The following SDK1 variants were observed in gnomAD, a reference collection of about 807,000 sequenced individuals.
The protein encoded by SDK1 is protein sidekick-1.
Under a neutral mutation model 245.5 loss-of-function variants are expected in SDK1, and 157 were observed. The ratio of observed to expected loss-of-function variants is 0.64; its 90% CI spans 0.56 to 0.73. SDK1 has a LOEUF of 0.73. Among genes scored for constraint, SDK1 ranks in the 30% least tolerant of loss-of-function variants. SDK1 has a pLI of 0.00. For synonymous variants in SDK1, 1,647 were observed against 1,278.5 expected, an observed-to-expected ratio of 1.29 and a Z score of -6.15; for missense variants, 3,583 against 3,002.3, an observed-to-expected ratio of 1.19 and a Z score of -4.52.
At chr7:3,536,061 AT>A (rs5881991) in intron 1 of SDK1, among the ~76,000 whole-genome samples, 9 of 148,478 alleles carry the variant, frequency 6.1e-5, no homozygotes, top group South Asian at 2.1e-4. Context: ...TGGCAGAATA[AT>A]TTTTTTTTTT....
intron 1 of SDK1, among the ~76,000 whole-genome samples, chr7:3,404,320 A>T (rs1454269689): frequency 6.6e-6 from 1 of 152,194 alleles, no homozygotes; most frequent in Non-Finnish European, 1.5e-5. Flanking sequence ...TTATATTAAT[A>T]GCTGCAAACA....
intron 2 of SDK1, among the ~76,000 whole-genome samples, chr7:3,621,267 G>A (rs1212094249): frequency 1.3e-5 from 2 of 152,156 alleles, no homozygotes; most frequent in African/African-American, 4.8e-5. Flanking sequence ...ACTGATAACA[G>A]AAGACTGGAG....
intron 1 of SDK1, among the ~76,000 whole-genome samples, chr7:3,494,458 A>T (rs947401809): frequency 1.3e-5 from 2 of 152,192 alleles, no homozygotes; most frequent in African/African-American, 4.8e-5. Flanking sequence ...ATGGGAAGAC[A>T]GTGTTAGAAA....
chr7:4,262,131 C>T (rs1038436031), intron 44 of SDK1, among the ~76,000 whole-genome samples: 14 of 144,542 alleles, frequency 9.7e-5, no homozygotes, highest in East Asian at 4.1e-4. Context: ...CCCTTGAACC[C>T]GGGTTCAAGG....
intron 1 of SDK1, among the ~76,000 whole-genome samples, chr7:3,428,315 G>A (rs1779733530): frequency 6.6e-6 from 1 of 152,082 alleles, no homozygotes. Context: ...CTTATTATTG[G>A]CAGAATGATG....
At chr7:3,956,088 TC>T (rs1010173044) in intron 7 of SDK1, among the ~76,000 whole-genome samples, 2 of 152,160 alleles carry the variant, frequency 1.3e-5, no homozygotes, top group Non-Finnish European at 1.5e-5. Flanking sequence ...TTTGTTTCCA[TC>T]CCCTGTTTTG....
chr7:3,809,431 C>T (rs1430730733), intron 4 of SDK1, among the ~76,000 whole-genome samples: 1 of 152,182 alleles, frequency 6.6e-6, no homozygotes, highest in African/African-American at 2.4e-5. Context: ...CTGAGATCAG[C>T]TGTGCTCGAG....
chr7:3,384,499 T>C (rs1464653559), intron 1 of SDK1, among the ~76,000 whole-genome samples: 2 of 152,208 alleles, frequency 1.3e-5, no homozygotes, highest in Non-Finnish European at 2.9e-5. Context: ...ATTTGAGAAA[T>C]GCTAGAGCAA....
chr7:3,619,006 G>T, intron 1 of SDK1, 74 bp from the exon 2 acceptor site: 2 of 1,179,770 alleles, frequency 1.7e-6, no homozygotes, highest in Non-Finnish European at 2.4e-6. Context: ...TTAAATAATA[G>T]ATTTATTAAA....
intron 1 of SDK1, among the ~76,000 whole-genome samples, chr7:3,559,339 G>C (rs1446923575): frequency 6.6e-6 from 1 of 152,070 alleles, no homozygotes; most frequent in Non-Finnish European, 1.5e-5. Flanking sequence ...TGGAAGTATT[G>C]TCCGCGGTTA....
intron 4 of SDK1, among the ~76,000 whole-genome samples, chr7:3,675,944 A>G (rs1385667082): frequency 1.3e-5 from 2 of 152,148 alleles, no homozygotes; most frequent in African/African-American, 2.4e-5. Flanking sequence ...AATATTAGAC[A>G]TTTGTTGAAT....
At chr7:3,613,268 T>G (rs1010293897) in intron 1 of SDK1, among the ~76,000 whole-genome samples, 5 of 152,152 alleles carry the variant, frequency 3.3e-5, no homozygotes, top group Non-Finnish European at 7.3e-5. Context: ...ATGTGAATGA[T>G]TTTTCCTCTG....
chr7:4,072,508 TC>T (rs1562766317), intron 20 of SDK1, among the ~76,000 whole-genome samples: 1 of 151,922 alleles, frequency 6.6e-6, no homozygotes, highest in African/African-American at 2.4e-5. Flanking sequence ...TCAGGGGAGC[TC>T]CCCCCAGCAC....
At chr7:4,063,803 C>G (rs1779700913) in intron 19 of SDK1, among the ~76,000 whole-genome samples, 1 of 151,898 alleles carries the variant, frequency 6.6e-6, no homozygotes, top group African/African-American at 2.4e-5. Flanking sequence ...GAATAGAGCA[C>G]CCAGAAACAT....
At chr7:3,666,192 T>C (rs4723001) in intron 4 of SDK1, among the ~76,000 whole-genome samples, 31,909 of 152,126 alleles carry the variant, frequency 0.21, 4,187 homozygotes, top group Non-Finnish European at 0.29. Context: ...TTTAGTAGTT[T>C]CCGGGCCTCA....
At chr7:3,351,519 A>T (rs1780659827) in intron 1 of SDK1, among the ~76,000 whole-genome samples, 1 of 152,218 alleles carries the variant, frequency 6.6e-6, no homozygotes, top group African/African-American at 2.4e-5. Context: ...AGATTGGATT[A>T]AAAACATCTG....
chr7:3,954,399 C>A (rs113583112), intron 7 of SDK1, among the ~76,000 whole-genome samples: 4 of 8,098 alleles, frequency 4.9e-4, no homozygotes, highest in African/African-American at 1.1e-3. Flanking sequence ...CCCCTCCTGC[C>A]TCCCCTCTAC....
At chr7:3,542,124 A>G (rs1464879157) in intron 1 of SDK1, among the ~76,000 whole-genome samples, 1 of 152,256 alleles carries the variant, frequency 6.6e-6, no homozygotes, top group Non-Finnish European at 1.5e-5. Flanking sequence ...TCGATAAGTC[A>G]TCAGCGGCAA....
At chr7:3,453,822 A>C (rs949754060) in intron 1 of SDK1, among the ~76,000 whole-genome samples, 3 of 152,004 alleles carry the variant, frequency 2.0e-5, no homozygotes, top group African/African-American at 7.3e-5. Context: ...CTGGACTCAA[A>C]TGATCTCCTG....
Sources: gnomAD v4.1 joint callset for allele counts (sites outside exome capture counted in the v4.1 genomes callset) on GRCh38, gnomAD v4.1.1 for gene constraint, MANE v1.5 for transcripts, NCBI Gene and HGNC (gene_info 2026-07-23, HGNC 2026-07-21) for gene names.